The following FAM193B variants were observed in gnomAD, a reference collection of about 807,000 sequenced individuals.
The protein encoded by FAM193B is family with sequence similarity 193 member B.
In FAM193B, 27 loss-of-function variants were observed where a neutral mutation model predicts 70.7. The ratio of observed to expected loss-of-function variants is 0.38; its 90% CI spans 0.28 to 0.53. FAM193B has a LOEUF of 0.53. Among genes scored for constraint, FAM193B ranks in the 20% least tolerant of loss-of-function variants. FAM193B has a pLI of 0.81. For missense variants in FAM193B, 1,022 were observed against 1,072.5 expected (o/e 0.95, Z 0.66); for synonymous variants, 448 against 436.0 (o/e 1.03, Z -0.34).
In FAM193B at chr5:177,525,094, C is replaced by T; in HGVS notation, c.1387G>A (p.Glu463Lys). The T allele has an allele frequency of 6.3e-7, 1 of 1,590,780 alleles. No individual in the cohort carries two copies. Among genetic ancestry groups the T allele is most frequent in the Non-Finnish European group, 8.5e-7 (1 of 1,169,804 alleles). ...RERLLEWPDR[E>K]LDRVNSFLSS... is the part of the protein sequence containing the mutation. ...AGGAAGCTGTTGACCCGATCCAGTT[C>T]CCGGTCGGGCCACTCCAAGAGCCTC... The change falls in exon 6 of 9, where the codon GAA becomes AAA. Residue 463 changes from glutamate (E) to lysine (K), a missense_variant. Transcript: ENST00000514747.
chr5:177,520,542 C>T (rs1032638829), intron 8 of FAM193B, among the ~76,000 whole-genome samples: 2 of 151,366 alleles, frequency 1.3e-5, no homozygotes, highest in South Asian at 2.1e-4. Flanking sequence ...CAAAGGAGAG[C>T]GCTTACTAGG....
intron 1 of FAM193B, among the ~76,000 whole-genome samples, chr5:177,541,343 GTTTCA>G (rs538190451): frequency 7.6e-4 from 115 of 152,144 alleles, no homozygotes; most frequent in African/African-American, 2.7e-3. Flanking sequence ...TACTACAACG[GTTTCA>G]TTTCATTTGC....
Position 177,554,490 on chromosome 5 carries a change from C to G in FAM193B, c.-32G>C. 1 of 544,172 alleles carries G rather than the reference C, an allele frequency of 1.8e-6. No homozygotes were observed. Among genetic ancestry groups the G allele is most frequent in the Non-Finnish European group, 2.0e-6 (1 of 491,380 alleles). The allele number at this position is 544,172 out of a possible 1,614,324, so 33.7% of individuals were successfully genotyped here. On this transcript the variant is annotated 5_prime_UTR_variant, in exon 1 of 9. Coordinates refer to ENST00000514747, the MANE Select transcript of FAM193B (RefSeq NM_001190946.3). The stretch of plus-strand genomic sequence containing the variant: ...GCTCGCGCCGCTCCCTCGCTCCACA[C>G]GCCGCCGCCGCCGCCGCCGCCGCCG...
rs570816976 is a variant in FAM193B, at chr5:177,529,131, G to T, written c.1275+3312C>A. ...CAGTGGATGTGGAGGAGTGGCAGGAGGTCACAGATGACAGAGCCAGGGGTG... is the reference window on the plus strand; with the variant it reads ...CAGTGGATGTGGAGGAGTGGCAGGATGTCACAGATGACAGAGCCAGGGGTG... On this transcript the variant is annotated intron_variant, in intron 5 of 8. Transcript: ENST00000514747. Among the ~76,000 whole-genome samples, 6 of 152,132 alleles carry T rather than the reference G, an allele frequency of 3.9e-5. No homozygotes were observed. The East Asian group carries it at 9.8e-4, about 25-fold the overall frequency.
intron 5 of FAM193B, among the ~76,000 whole-genome samples, chr5:177,528,302 G>A (rs1003814699): frequency 7.2e-5 from 11 of 152,194 alleles, no homozygotes; most frequent in Non-Finnish European, 1.5e-4. Context: ...GTAGAAAACC[G>A]CCTGCAATGA....
intron 1 of FAM193B, among the ~76,000 whole-genome samples, chr5:177,551,073 GATC>G (rs1766174081): frequency 1.3e-5 from 2 of 151,788 alleles, no homozygotes; most frequent in African/African-American, 4.8e-5. Context: ...GGCCTCAAGA[GATC>G]CTCCTGCCTC....
chr5:177,535,189 C>T (rs781300088), intron 4 of FAM193B, among the ~76,000 whole-genome samples: 5 of 152,124 alleles, frequency 3.3e-5, no homozygotes, highest in South Asian at 4.1e-4. Context: ...TTAAAATGTC[C>T]GAATAACCCA....
intron 5 of FAM193B, chr5:177,531,806 G>A (rs1581876136): frequency 6.1e-6 from 6 of 988,462 alleles, no homozygotes; most frequent in Non-Finnish European, 7.9e-6. Context: ...GACCTTGGGC[G>A]AGTCACCGAG....
In FAM193B at chr5:177,554,417, C is replaced by A. The variant is rs1766778292; in HGVS notation, c.42G>T (p.Arg14Ser). 3.6e-6 allele frequency: 4 copies of A among 1,106,916 alleles called. No homozygotes were observed. The highest frequency in any genetic ancestry group is 1.7e-5 in the African/African-American group (1 of 59,968). 68.6% of individuals were successfully genotyped at this position (1,106,916 alleles called of 1,614,324 possible). A position where few individuals can be genotyped will look rare whatever the true frequency, so the allele number is the denominator to read the frequency against. ...RRSRPSGGAG[R>S]RERARAAGPQ... is the part of the protein sequence containing the mutation. ...GCCCCGCGGCCCGAGCCCGCTCGCG[C>A]CTGCCCGCACCGCCGCTCGGCCTGC... Residue 14 changes from arginine to serine, a missense_variant, in exon 1 of 9, where the codon AGG becomes AGT. Physicochemically the swap from Arg to Ser is moderately radical, Grantham distance 110. Coordinates refer to ENST00000514747, the MANE Select transcript of FAM193B (RefSeq NM_001190946.3).
rs905224530 is a variant in FAM193B at position 177,552,295 on chromosome 5, T to G, written c.210+1954A>C. Reference sequence around the variant, plus strand: ...AATGGTCAATTCATCATATTTGTGCTAAACGCTGCGGAGAAATACAGGTGA... The same window carrying G: ...AATGGTCAATTCATCATATTTGTGCGAAACGCTGCGGAGAAATACAGGTGA... On this transcript the variant is annotated intron_variant, in intron 1 of 8. Transcript: ENST00000514747. Among the ~76,000 whole-genome samples the G allele has an allele frequency of 4.6e-5, 7 of 152,360 alleles. No individual in the cohort carries two copies. The South Asian group carries it at 6.2e-4, about 14-fold the overall frequency.
Position 177,537,956 on chromosome 5 carries a change from T to A in FAM193B, c.605A>T (p.His202Leu), listed in dbSNP as rs1279034111. ...GGAATTCCAGAGGCCCGAGAGCTTA[T>A]GTGCCGACAGGAACGAGCTAGGATC... ...DWDPSSFLSA[H>L]KLSGLWNSPH... Residue 202 changes from histidine to leucine, a missense_variant, in exon 3 of 9, where the codon CAT becomes CTT. Physicochemically the swap from His to Leu is moderately conservative, Grantham distance 99. Transcript: ENST00000514747. 1.3e-6 allele frequency: 2 copies of A among 1,573,250 alleles called. No homozygotes were observed. Among genetic ancestry groups the A allele is most frequent in the Middle Eastern group, 1.7e-4 (1 of 6,042 alleles).
chr5:177,552,736 C>G (rs928557164), intron 1 of FAM193B, among the ~76,000 whole-genome samples: 7 of 152,152 alleles, frequency 4.6e-5, no homozygotes, highest in African/African-American at 1.7e-4. Flanking sequence ...GAAGTGTCAG[C>G]CTAGGATAGG....
chr5:177,550,644 G>T (rs1766089828), intron 1 of FAM193B, among the ~76,000 whole-genome samples: 1 of 152,114 alleles, frequency 6.6e-6, no homozygotes, highest in Non-Finnish European at 1.5e-5. Context: ...AAGTCTCCTG[G>T]GGGCTTATTG....
At chr5:177,553,993 C>T in intron 1 of FAM193B, 1 of 1,273,658 alleles carries the variant, frequency 7.9e-7, no homozygotes, top group African/African-American at 1.6e-5. Flanking sequence ...GGTGTACGGC[C>T]GGAACGCCCG....
intron 1 of FAM193B, among the ~76,000 whole-genome samples, chr5:177,540,206 C>A (rs1170053230): frequency 6.6e-6 from 1 of 150,566 alleles, no homozygotes; most frequent in South Asian, 2.1e-4. Context: ...ACTCGGGAGG[C>A]TGGGGCAGGA....
intron 5 of FAM193B, among the ~76,000 whole-genome samples, chr5:177,527,518 A>G (rs1406986378): frequency 1.3e-5 from 2 of 152,210 alleles, no homozygotes; most frequent in African/African-American, 2.4e-5. Flanking sequence ...GATGGCCACT[A>G]TGGCTGCCAC....
intron 1 of FAM193B, among the ~76,000 whole-genome samples, chr5:177,540,542 C>T (rs542690374): frequency 7.4e-4 from 113 of 152,270 alleles, no homozygotes; most frequent in African/African-American, 2.7e-3. Context: ...TACATTTCCA[C>T]TTGTTTCCAT....
In FAM193B at chr5:177,539,100, A is replaced by G. The variant is rs1387306278; in HGVS notation, c.258T>C (p.Cys86=). The part of the protein sequence containing the change: ...SQPVQTCCLL[C]HRERKGWEEG... ...CTTCCCAGCCTTTGCGTTCCCGGTG[A>G]CACAGCAGGCAGCAAGTCTGCACAG... is the stretch of plus-strand genomic sequence containing the variant. The change falls in exon 2 of 9, where the codon TGT becomes TGC. Residue 86 remains cysteine (C), a synonymous_variant. Transcript: ENST00000514747. 6.2e-7 allele frequency: 1 copy of G among 1,607,256 alleles called. No homozygotes were observed. The highest frequency in any genetic ancestry group is 8.5e-7 in the Non-Finnish European group (1 of 1,176,538).
intron 4 of FAM193B, among the ~76,000 whole-genome samples, chr5:177,535,742 T>C (rs997854011): frequency 6.6e-6 from 1 of 152,184 alleles, no homozygotes; most frequent in African/African-American, 2.4e-5. Flanking sequence ...TGTTAAAAAA[T>C]TACTACTACA....
Sources: gnomAD v4.1 joint callset for allele counts (sites outside exome capture counted in the v4.1 genomes callset) on GRCh38, gnomAD v4.1.1 for gene constraint, MANE v1.5 for transcripts, NCBI Gene and HGNC (gene_info 2026-07-23, HGNC 2026-07-21) for gene names.